The following SLC25A13 variants were observed in gnomAD, a reference collection of about 807,000 sequenced individuals.
SLC25A13 encodes solute carrier family 25 member 13.
SLC25A13 carries 70 observed loss-of-function variants against 85.5 expected under a neutral mutation model. That is an observed-to-expected ratio of 0.82 (90% CI 0.68 to 1.00). The LOEUF is 1.00. Among genes scored for constraint, SLC25A13 ranks in the 50% least tolerant of loss-of-function variants. SLC25A13 has a pLI of 0.00. For synonymous variants in SLC25A13, 259 were observed against 288.7 expected (o/e 0.90, Z 1.04); for missense variants, 765 against 819.8 (o/e 0.93, Z 0.82).
intron 3 of SLC25A13, among the ~76,000 whole-genome samples, chr7:96,275,323 G>T (rs1417419428): frequency 1.3e-5 from 2 of 152,200 alleles, no homozygotes; most frequent in African/African-American, 4.8e-5. Flanking sequence ...GGAAGTCAGT[G>T]TGGCAATTCC....
At chr7:96,250,548 T>C (rs972964766) in intron 3 of SLC25A13, among the ~76,000 whole-genome samples, 1 of 152,114 alleles carries the variant, frequency 6.6e-6, no homozygotes, top group Non-Finnish European at 1.5e-5. Flanking sequence ...TGCTGAAGAA[T>C]GGGGCAGGAT....
At chr7:96,164,171 C>T (rs1360412887) in intron 13 of SLC25A13, among the ~76,000 whole-genome samples, 3 of 152,150 alleles carry the variant, frequency 2.0e-5, no homozygotes, top group Non-Finnish European at 4.4e-5. Context: ...TGCATAACCT[C>T]AAAAACTGGG....
chr7:96,304,819 A>G (rs1448890338), intron 1 of SLC25A13, among the ~76,000 whole-genome samples: 1 of 152,202 alleles, frequency 6.6e-6, no homozygotes, highest in Non-Finnish European at 1.5e-5. Context: ...AAAACACCCA[A>G]TAAATCAGAA....
intron 4 of SLC25A13, among the ~76,000 whole-genome samples, chr7:96,210,137 A>G (rs747909396): frequency 3.9e-5 from 6 of 152,164 alleles, no homozygotes; most frequent in Non-Finnish European, 8.8e-5. Flanking sequence ...TGTCATGAAG[A>G]AACAGTAGTG....
intron 3 of SLC25A13, among the ~76,000 whole-genome samples, chr7:96,250,552 G>A (rs1797382104): frequency 6.6e-6 from 1 of 152,112 alleles, no homozygotes; most frequent in Non-Finnish European, 1.5e-5. Context: ...GAAGAATGGG[G>A]CAGGATTCTC....
intron 4 of SLC25A13, among the ~76,000 whole-genome samples, chr7:96,231,673 G>A (rs972809502): frequency 6.6e-6 from 1 of 151,698 alleles, no homozygotes; most frequent in Non-Finnish European, 1.5e-5. Flanking sequence ...GCACTGAGCC[G>A]AGATTGTGCC....
At chr7:96,192,849 C>A (rs1794910314) in intron 6 of SLC25A13, among the ~76,000 whole-genome samples, 188 bp downstream of exon 6, 2 of 152,062 alleles carry the variant, frequency 1.3e-5, no homozygotes, top group South Asian at 4.1e-4. Context: ...ATTACCCAGA[C>A]AACAAATTAA....
intron 3 of SLC25A13, among the ~76,000 whole-genome samples, chr7:96,252,785 G>A (rs540487147): frequency 6.6e-6 from 1 of 152,218 alleles, no homozygotes; most frequent in East Asian, 1.9e-4. Context: ...GAAACTTGGG[G>A]AGAGTGGATT....
chr7:96,201,531 C>T (rs1795256649), intron 5 of SLC25A13, among the ~76,000 whole-genome samples: 1 of 134,230 alleles, frequency 7.4e-6, no homozygotes, highest in Admixed American at 7.6e-5. Context: ...AAAAAAAATT[C>T]ATGGTCTAGA....
intron 13 of SLC25A13, among the ~76,000 whole-genome samples, chr7:96,148,215 G>A (rs1792882483): frequency 6.6e-6 from 1 of 152,112 alleles, no homozygotes; most frequent in South Asian, 2.1e-4. Context: ...TCACTGAAAG[G>A]CCCAAGAAAG....
chr7:96,128,939 G>GCTTGCTCGCTCTCT (rs1554336579), intron 15 of SLC25A13, among the ~76,000 whole-genome samples: 144 of 81,894 alleles, frequency 1.8e-3, no homozygotes, highest in Middle Eastern at 0.019. Context: ...TGCCTTGCTT[G>GCTTGCTCGCTCTCT]CTCTCTCTCT....
At chr7:96,121,418 T>A (rs2116381325) in intron 17 of SLC25A13, 41 bp from the exon 18 acceptor site, 1 of 1,608,524 alleles carries the variant, frequency 6.2e-7, no homozygotes, top group Non-Finnish European at 8.5e-7. Context: ...GTATTTTTTG[T>A]TTGTTTTAAC....
intron 3 of SLC25A13, among the ~76,000 whole-genome samples, chr7:96,272,614 A>C (rs1798287522): frequency 6.6e-6 from 1 of 152,206 alleles, no homozygotes; most frequent in South Asian, 2.1e-4. Flanking sequence ...GAGCACCTGA[A>C]AGCTGAGAAT....
intron 2 of SLC25A13, among the ~76,000 whole-genome samples, chr7:96,285,731 TG>T (rs1338645246): frequency 6.6e-6 from 1 of 152,312 alleles, no homozygotes; most frequent in East Asian, 1.9e-4. Context: ...ATATAAAATC[TG>T]AGCTCCTTTA....
chr7:96,168,734 T>A (rs1793875938), intron 13 of SLC25A13, among the ~76,000 whole-genome samples: 1 of 152,100 alleles, frequency 6.6e-6, no homozygotes, highest in African/African-American at 2.4e-5. Context: ...GTTTAAAATG[T>A]AACTTAAAAA....
chr7:96,177,035 T>C (rs1431276431), intron 11 of SLC25A13, among the ~76,000 whole-genome samples: 1 of 152,202 alleles, frequency 6.6e-6, no homozygotes, highest in African/African-American at 2.4e-5. Context: ...TGAATAAGTG[T>C]ACAAAGAACC....
chr7:96,138,588 TGA>T (rs1201628258), intron 14 of SLC25A13, among the ~76,000 whole-genome samples: 1 of 151,972 alleles, frequency 6.6e-6, no homozygotes, highest in Non-Finnish European at 1.5e-5. Context: ...TGTGTAGAGA[TGA>T]GGTCTCACTA....
chr7:96,129,797 G>T (rs1394047350), intron 15 of SLC25A13, among the ~76,000 whole-genome samples: 1 of 152,142 alleles, frequency 6.6e-6, no homozygotes, highest in Admixed American at 6.5e-5. Flanking sequence ...ACACAGGGTG[G>T]AAACACTGGA....
intron 3 of SLC25A13, among the ~76,000 whole-genome samples, chr7:96,267,800 C>CA (rs551752880): frequency 0.6 from 73,481 of 122,290 alleles, 20,914 homozygotes; most frequent in Non-Finnish European, 0.68. Context: ...GACTCTGTCT[C>CA]AAAAAAAAAA....
Sources: allele counts gnomAD v4.1 joint callset (sites outside exome capture counted in the v4.1 genomes callset), GRCh38; gene constraint gnomAD v4.1.1; transcripts MANE v1.5; gene names NCBI Gene and HGNC (gene_info 2026-07-23, HGNC 2026-07-21).